Variants in CPNE1 observed in about 807,000 individuals in gnomAD.
The protein encoded by CPNE1 is copine 1.
Under a neutral mutation model 63.2 loss-of-function variants are expected in CPNE1, and 58 were observed. The observed-to-expected ratio is 0.92, with a 90% confidence interval of 0.74 to 1.14. CPNE1 has a LOEUF of 1.14. CPNE1 is among the 50% of genes most tolerant of loss of function. The pLI is 0.00. For missense variants in CPNE1, 672 were observed against 661.7 expected, an observed-to-expected ratio of 1.02 and a Z score of -0.17; for synonymous variants, 237 against 249.0, an observed-to-expected ratio of 0.95 and a Z score of 0.45.
intron 1 of CPNE1, chr20:35,658,818 C>CAT (rs2034062274): frequency 3.5e-6 from 2 of 566,188 alleles, no homozygotes; most frequent in South Asian, 3.8e-5. Flanking sequence ...CACACACACA[C>CAT]ACACACACAC....
chr20:35,653,906 C>T, intron 1 of CPNE1: 1 of 1,614,150 alleles, frequency 6.2e-7, no homozygotes, highest in Non-Finnish European at 8.5e-7. Flanking sequence ...ACAAAGCCTT[C>T]GCCAGTTGCT....
rs779761206 is a variant in CPNE1 at position 35,632,898 on chromosome 20, T to C, written c.26A>G (p.Gln9Arg). The change falls in exon 2 of 16, where the codon CAG (glutamine) becomes CGG (arginine). Residue 9 changes from glutamine to arginine, a missense_variant. By Grantham distance (43) the Gln-to-Arg change is conservative (BLOSUM62 1). Transcript: ENST00000397443. ...GAGATGGTCACAGGAAATGGACAGCTGAACCAAGGTCACGCAGTGGGCCAT... is the reference window on the plus strand; with the variant it reads ...GAGATGGTCACAGGAAATGGACAGCCGAACCAAGGTCACGCAGTGGGCCAT... MAHCVTLV[Q>R]LSISCDHLID... is the part of the protein sequence containing the mutation. 1.1e-6 allele frequency: 1 copy of C among 872,864 alleles called. No homozygotes were observed. Among genetic ancestry groups the C allele is most frequent in the Non-Finnish European group, 2.0e-6 (1 of 501,590 alleles). The allele number at this position is 872,864 out of a possible 1,614,324, so 54.1% of individuals were successfully genotyped here.
intron 1 of CPNE1, among the ~76,000 whole-genome samples, chr20:35,658,378 A>C (rs1478903303): frequency 6.6e-6 from 1 of 152,212 alleles, no homozygotes; most frequent in Non-Finnish European, 1.5e-5. Context: ...TCACAAGATA[A>C]ATAGATCCAT....
Position 35,643,893 on chromosome 20 carries a change from G to A in CPNE1, c.1-10970C>T, listed in dbSNP as rs902193331. Among the ~76,000 whole-genome samples, 5 of 152,150 alleles carry A rather than the reference G, an allele frequency of 3.3e-5. No homozygotes were observed. In the South Asian group the frequency reaches 8.3e-4, roughly 25 times the overall value. ...CCCCAGCAGCTCAGAATCCATGACAGAAGACTGCTGCCAGTGGCCTCCCAC... is the reference window on the plus strand; with the variant it reads ...CCCCAGCAGCTCAGAATCCATGACAAAAGACTGCTGCCAGTGGCCTCCCAC... On this transcript the variant is annotated intron_variant, in intron 1 of 15. Transcript: ENST00000397443.
chr20:35,640,302 C>A (rs904618299), intron 1 of CPNE1, among the ~76,000 whole-genome samples: 1 of 152,194 alleles, frequency 6.6e-6, no homozygotes, highest in East Asian at 1.9e-4. Context: ...TGTCACTCTT[C>A]TGTCCTACAT....
rs775855266 is a variant in CPNE1, at chr20:35,632,145, G to A, written c.456+18C>T. Reference sequence around the variant, plus strand: ...GCCCCTTAACTCTTGGATTACCAGGGCCTACTTCCAGACACACCTTCTTAT... The same window carrying A: ...GCCCCTTAACTCTTGGATTACCAGGACCTACTTCCAGACACACCTTCTTAT... On this transcript the variant is annotated intron_variant, in intron 5 of 15. Transcript: ENST00000397443. 2.1e-5 allele frequency: 34 copies of A among 1,612,726 alleles called. No homozygotes were observed. Among genetic ancestry groups the A allele is most frequent in the Non-Finnish European group, 2.9e-5 (34 of 1,178,890 alleles).
At chr20:35,654,051 T>C (rs1270983098) in intron 1 of CPNE1, 17 of 1,614,234 alleles carry the variant, frequency 1.1e-5, no homozygotes, top group Non-Finnish European at 1.4e-5. Flanking sequence ...CCTCATGTGG[T>C]GATCTTGACC....
At chr20:35,660,415 A>G (rs1200550486) in intron 1 of CPNE1, among the ~76,000 whole-genome samples, 1 of 152,072 alleles carries the variant, frequency 6.6e-6, no homozygotes, top group African/African-American at 2.4e-5. Context: ...CAGGGGTTTC[A>G]TTATGTTACC....
At chr20:35,660,551 C>T (rs2034177798) in intron 1 of CPNE1, among the ~76,000 whole-genome samples, 1 of 152,236 alleles carries the variant, frequency 6.6e-6, no homozygotes, top group East Asian at 1.9e-4. Context: ...TTTAAAAATT[C>T]TTCATTTGAA....
At chr20:35,646,331 G>A (rs1317290120) in intron 1 of CPNE1, among the ~76,000 whole-genome samples, 1 of 148,880 alleles carries the variant, frequency 6.7e-6, no homozygotes, top group African/African-American at 2.5e-5. Flanking sequence ...TGTGACTTGT[G>A]GTGTAGCACA....
intron 1 of CPNE1, chr20:35,654,948 G>T (rs1438776353): frequency 1.2e-6 from 2 of 1,614,198 alleles, no homozygotes; most frequent in South Asian, 2.2e-5. Flanking sequence ...GATTATTAAA[G>T]TTGGATACTG....
chr20:35,640,268 G>A (rs1236784947), intron 1 of CPNE1, among the ~76,000 whole-genome samples: 1 of 152,024 alleles, frequency 6.6e-6, no homozygotes, highest in African/African-American at 2.4e-5. Context: ...TCTCTGCTTA[G>A]AAATCTGTGA....
chr20:35,657,960 G>A (rs1255601585), intron 1 of CPNE1, among the ~76,000 whole-genome samples: 2 of 152,024 alleles, frequency 1.3e-5, no homozygotes, highest in Non-Finnish European at 2.9e-5. Context: ...TACTAGGGAG[G>A]CTGAGGCAGA....
Position 35,652,917 on chromosome 20 carries a change from G to A in CPNE1, c.-1+11843C>T, listed in dbSNP as rs747155371. 4 of 1,613,634 alleles carry A rather than the reference G, an allele frequency of 2.5e-6. No homozygotes were observed. The Admixed American group carries it at 6.7e-5, about 27-fold the overall frequency. On this transcript the variant is annotated intron_variant, in intron 1 of 15. Transcript: ENST00000397443. ...CAGGAGGGCCACTTCCAAACCCCGGGGGACCGCCTAAGCTACCAGGGCCAT... is the reference window on the plus strand; with the variant it reads ...CAGGAGGGCCACTTCCAAACCCCGGAGGACCGCCTAAGCTACCAGGGCCAT...
chr20:35,652,394 T>A, intron 1 of CPNE1: 1 of 1,062,320 alleles, frequency 9.4e-7, no homozygotes, highest in South Asian at 1.6e-5. Flanking sequence ...CAATGCTCTA[T>A]GTTATGGAAA....
intron 1 of CPNE1, among the ~76,000 whole-genome samples, chr20:35,657,800 C>T (rs1478190457): frequency 6.6e-6 from 1 of 152,182 alleles, no homozygotes; most frequent in African/African-American, 2.4e-5. Flanking sequence ...GTGGCTCACA[C>T]CTGTAACCCC....
At chr20:35,646,725 A>G (rs2033126902) in intron 1 of CPNE1, among the ~76,000 whole-genome samples, 1 of 152,168 alleles carries the variant, frequency 6.6e-6, no homozygotes, top group Non-Finnish European at 1.5e-5. Flanking sequence ...GCCCATTTGA[A>G]TACAGTACAG....
intron 1 of CPNE1, chr20:35,655,344 C>A: frequency 6.3e-7 from 1 of 1,586,902 alleles, no homozygotes. Flanking sequence ...ACCACACACA[C>A]CTGCAGATGA....
At chr20:35,633,356 T>C (rs1412986303) in intron 1 of CPNE1, among the ~76,000 whole-genome samples, 2 of 152,216 alleles carry the variant, frequency 1.3e-5, no homozygotes, top group African/African-American at 4.8e-5. Flanking sequence ...CAAATATAAC[T>C]ATGATCCAGA....
Sources: allele counts gnomAD v4.1 joint callset (sites outside exome capture counted in the v4.1 genomes callset), GRCh38; gene constraint gnomAD v4.1.1; transcripts MANE v1.5; gene names NCBI Gene and HGNC (gene_info 2026-07-23, HGNC 2026-07-21).